ERO1B: variants seen among roughly 807,000 people sequenced by gnomAD.
ERO1B encodes the protein endoplasmic reticulum oxidoreductase 1 beta.
Under a neutral mutation model 75.3 loss-of-function variants are expected in ERO1B, and 49 were observed. The ratio of observed to expected loss-of-function variants is 0.65; its 90% CI spans 0.52 to 0.83. The LOEUF (loss-of-function observed/expected upper bound fraction) is 0.83. Ranked by LOEUF, ERO1B falls within the 40% of genes least tolerant of loss-of-function variation. ERO1B has a pLI of 0.00. For synonymous variants in ERO1B, 191 were observed against 192.9 expected (o/e 0.99, Z 0.08); for missense variants, 512 against 560.1 (o/e 0.91, Z 0.87).
chr1:236,242,061 C>T (rs543053128), intron 6 of ERO1B, among the ~76,000 whole-genome samples: 19 of 100,796 alleles, frequency 1.9e-4, no homozygotes, highest in South Asian at 1.2e-3. Flanking sequence ...CAGCGAGACT[C>T]TGTCTCAAAA....
chr1:236,281,518 C>T, intron 1 of ERO1B, 164 bp downstream of exon 1: 1 of 440,318 alleles, frequency 2.3e-6, no homozygotes. Context: ...ATGTTTCCCG[C>T]ACTGGACGGT....
chr1:236,220,722 A>AATT lies in ERO1B; in HGVS notation c.1343+109_1343+110insAAT, dbSNP rs1553369233. On this transcript the variant is annotated intron_variant, in intron 15 of 15. Transcript: ENST00000354619. The stretch of plus-strand genomic sequence containing the variant: ...TAAGTTAGTACAGATACAATATAAA[A>AATT]TTTTTTTTTGTCAACAAAACAAACC... 1,386 of 1,105,986 alleles carry AATT rather than the reference A, an allele frequency of 1.3e-3. 3 individuals are homozygous for AATT. The highest frequency in any genetic ancestry group is 3.7e-3 in the Admixed American group (122 of 33,340). 68.5% of individuals were successfully genotyped at this position (1,105,986 alleles called of 1,614,324 possible). A position where few individuals can be genotyped will look rare whatever the true frequency, so the allele number is the denominator to read the frequency against.
At position 236,250,998 on chromosome 1, in the gene ERO1B, A is replaced by T. The variant is rs946410052; in HGVS notation, c.349-1031T>A. On this transcript the variant is annotated intron_variant, in intron 4 of 15. Coordinates refer to ENST00000354619, the MANE Select transcript of ERO1B (RefSeq NM_019891.4). ...ATGCTAGTGCATTACTGTTTGAAAT[A>T]GCCAAAAATTGGGAACAACTGAAAT... 3.9e-5 allele frequency among the ~76,000 whole-genome samples: 6 copies of T among 152,126 alleles called. No individual in the cohort carries two copies. In the East Asian group the frequency reaches 1.2e-3, roughly 29 times the overall value.
intron 6 of ERO1B, among the ~76,000 whole-genome samples, chr1:236,237,753 A>T (rs1664578770): frequency 6.6e-6 from 1 of 152,194 alleles, no homozygotes; most frequent in Admixed American, 6.5e-5. Flanking sequence ...AGTAAACAGT[A>T]TTCCCTGGAC....
intron 2 of ERO1B, among the ~76,000 whole-genome samples, 163 bp from the exon 3 acceptor site, chr1:236,253,668 A>G (rs1665094383): frequency 6.6e-6 from 1 of 152,246 alleles, no homozygotes; most frequent in East Asian, 1.9e-4. Flanking sequence ...GCAATGAGCT[A>G]GATCATGCCA....
chr1:236,277,322 T>A (rs952415714), intron 1 of ERO1B, among the ~76,000 whole-genome samples: 13 of 151,722 alleles, frequency 8.6e-5, no homozygotes, highest in African/African-American at 2.9e-4. Context: ...AAGAATTGCT[T>A]GAGCCTGGGA....
chr1:236,226,958 G>T (rs546108019), intron 10 of ERO1B, among the ~76,000 whole-genome samples: 1 of 152,224 alleles, frequency 6.6e-6, no homozygotes, highest in South Asian at 2.1e-4. Flanking sequence ...ACTTAATGCT[G>T]AAAAAAGCAG....
At chr1:236,222,829 C>A (rs1298089961) in intron 13 of ERO1B, among the ~76,000 whole-genome samples, 1 of 152,150 alleles carries the variant, frequency 6.6e-6, no homozygotes, top group Non-Finnish European at 1.5e-5. Context: ...GCCTGTGTGA[C>A]ACATATGGTC....
At chr1:236,225,387 T>A (rs1311942212) in intron 12 of ERO1B, among the ~76,000 whole-genome samples, 2 of 152,164 alleles carry the variant, frequency 1.3e-5, no homozygotes, top group Non-Finnish European at 2.9e-5. Flanking sequence ...ACACAGGTAA[T>A]CTAAAAAATT....
rs574986023 is a variant in ERO1B at position 236,258,019 on chromosome 1, T to G, written c.223-4514A>C. ...GGACAAAAAAAATTCAAAGAAAAAG[T>G]GGCAGAACACTTTCCAAGTCTGGGG... On this transcript the variant is annotated intron_variant, in intron 2 of 15. Coordinates refer to ENST00000354619, the MANE Select transcript of ERO1B (RefSeq NM_019891.4). 2.4e-4 allele frequency among the ~76,000 whole-genome samples: 36 copies of G among 150,204 alleles called. No homozygotes were observed. In the South Asian group the frequency reaches 6.9e-3, roughly 29 times the overall value.
At chr1:236,249,478 AG>A (rs1416758836) in intron 5 of ERO1B, among the ~76,000 whole-genome samples, 7 of 152,270 alleles carry the variant, frequency 4.6e-5, no homozygotes, top group African/African-American at 1.7e-4. Flanking sequence ...AATAAGGAAA[AG>A]TTAACAGAAA....
In ERO1B at chr1:236,217,826, G is replaced by A. The variant is rs1014074288; in HGVS notation, c.*690C>T. 1.8e-4 allele frequency: 27 copies of A among 152,124 alleles called. No individual in the cohort carries two copies. Among genetic ancestry groups the A allele is most frequent in the African/African-American group, 6.0e-4 (25 of 41,432 alleles). The allele number at this position is 152,124 out of a possible 1,614,324, so 9.4% of individuals were successfully genotyped here. A position where few individuals can be genotyped will look rare whatever the true frequency, so the allele number is the denominator to read the frequency against. Reference sequence around the variant, plus strand: ...CACAAAATCTGGCTGGGTAGCATAGGGGAGAGGTCTTGTTCACCTTTACCA... The same window carrying A: ...CACAAAATCTGGCTGGGTAGCATAGAGGAGAGGTCTTGTTCACCTTTACCA... On this transcript the variant is annotated 3_prime_UTR_variant, in exon 16 of 16. Transcript: ENST00000354619.
chr1:236,268,969 T>C (rs1272826659), intron 2 of ERO1B, among the ~76,000 whole-genome samples: 1 of 152,126 alleles, frequency 6.6e-6, no homozygotes, highest in Non-Finnish European at 1.5e-5. Flanking sequence ...GCACAGTGAC[T>C]CACACCTGTA....
chr1:236,220,704 G>A lies in ERO1B; in HGVS notation c.1343+128C>T, dbSNP rs140750843. The A allele has an allele frequency of 1.3e-5, 12 of 949,276 alleles. No individual in the cohort carries two copies. In the African/African-American group the frequency reaches 1.9e-4, roughly 15 times the overall value. 58.8% of individuals were successfully genotyped at this position (949,276 alleles called of 1,614,324 possible). A position where few individuals can be genotyped will look rare whatever the true frequency, so the allele number is the denominator to read the frequency against. On this transcript the variant is annotated intron_variant, in intron 15 of 15. Transcript: ENST00000354619. ...TCAGCATTAAGGCCTCTCTAAGTTA[G>A]TACAGATACAATATAAAATTTTTTT... is the stretch of plus-strand genomic sequence containing the variant.
At chr1:236,222,113 G>GT (rs1458703100) in intron 13 of ERO1B, 103 bp from the exon 14 acceptor site, 10 of 904,208 alleles carry the variant, frequency 1.1e-5, no homozygotes, top group Non-Finnish European at 1.6e-5. Flanking sequence ...AATCAGTTGT[G>GT]TTTTTTGTTT....
chr1:236,256,322 G>A (rs147228444), intron 2 of ERO1B, among the ~76,000 whole-genome samples: 2 of 152,046 alleles, frequency 1.3e-5, no homozygotes, highest in East Asian at 3.9e-4. Flanking sequence ...GGGAACTCCA[G>A]ACCAAAAGGT....
intron 2 of ERO1B, among the ~76,000 whole-genome samples, chr1:236,259,469 A>G (rs955371312): frequency 6.6e-6 from 1 of 152,210 alleles, no homozygotes; most frequent in African/African-American, 2.4e-5. Flanking sequence ...GGATTAAAAA[A>G]TAAGACCTAA....
chr1:236,242,626 G>T (rs2695060), intron 6 of ERO1B, among the ~76,000 whole-genome samples: 48,008 of 151,520 alleles, frequency 0.32, 8,215 homozygotes, highest in East Asian at 0.77. Flanking sequence ...AGAAAGCAGA[G>T]CATTCTAGAT....
At chr1:236,275,061 G>A (rs918697192) in intron 1 of ERO1B, among the ~76,000 whole-genome samples, 3 of 152,270 alleles carry the variant, frequency 2.0e-5, no homozygotes, top group Non-Finnish European at 4.4e-5. Context: ...GAATAAGGAG[G>A]ACTATACAAT....
Sources: allele counts gnomAD v4.1 joint callset (sites outside exome capture counted in the v4.1 genomes callset), GRCh38; gene constraint gnomAD v4.1.1; transcripts MANE v1.5; gene names NCBI Gene and HGNC (gene_info 2026-07-23, HGNC 2026-07-21).